PDXDC1: variants seen among roughly 807,000 people sequenced by gnomAD.
PDXDC1 encodes the protein pyridoxal dependent decarboxylase domain containing 1.
PDXDC1 carries 42 observed loss-of-function variants against 100.1 expected under a neutral mutation model. That is an observed-to-expected ratio of 0.42 (90% CI 0.33 to 0.54). The LOEUF is 0.54. PDXDC1 is among the 20% of genes least tolerant of loss of function. The pLI, the probability that PDXDC1 is intolerant of heterozygous loss-of-function variation, is 0.10. For synonymous variants in PDXDC1, 260 were observed against 371.7 expected (o/e 0.70, Z 3.46); for missense variants, 636 against 979.2 (o/e 0.65, Z 4.68).
intron 16 of PDXDC1, among the ~76,000 whole-genome samples, chr16:15,109,750 G>A (rs1156475858): frequency 9.4e-5 from 13 of 138,678 alleles, no homozygotes; most frequent in African/African-American, 3.4e-4. Flanking sequence ...TACTCGGGAA[G>A]CTGAGGCAGA....
intron 16 of PDXDC1, among the ~76,000 whole-genome samples, chr16:15,087,673 G>A (rs1170979407): frequency 2.0e-5 from 3 of 152,184 alleles, no homozygotes; most frequent in South Asian, 4.1e-4. Context: ...CAACTGTTAA[G>A]GATAACATTA....
At chr16:15,130,655 G>A (rs2048003483) in intron 16 of PDXDC1, 2 of 1,420,704 alleles carry the variant, frequency 1.4e-6, no homozygotes, top group Non-Finnish European at 2.0e-6. Context: ...TGAAGAAGGT[G>A]TAGGGCCGGT....
In PDXDC1 at chr16:14,977,269, CTTTTTTTTTTTTTTTT is replaced by C. The variant is rs5816116; in HGVS notation, c.21+2062_21+2077del. ...AAGTTTTTCAGAACTATGGGACTTACTTTTTTTTTTTTTTTTTTTTTTTTTTTTGAGAGGGAGTCTC... is the reference window on the plus strand; with the variant it reads ...AAGTTTTTCAGAACTATGGGACTTACTTTTTTTTTTTTGAGAGGGAGTCTC... On this transcript the variant is annotated intron_variant, in intron 1 of 22. Coordinates refer to ENST00000396410, the MANE Select transcript of PDXDC1 (RefSeq NM_015027.4). 5.3e-5 allele frequency among the ~76,000 whole-genome samples: 5 copies of C among 95,042 alleles called. No homozygotes were observed. In the Admixed American group the frequency reaches 5.6e-4, roughly 11 times the overall value. 62.4% of individuals were successfully genotyped at this position (95,042 alleles called of 152,430 possible). A position where few individuals can be genotyped will look rare whatever the true frequency, so the allele number is the denominator to read the frequency against.
chr16:14,983,044 G>T (rs1228187528), intron 1 of PDXDC1, among the ~76,000 whole-genome samples: 1 of 152,240 alleles, frequency 6.6e-6, no homozygotes, highest in Non-Finnish European at 1.5e-5. Context: ...GTATAAACTA[G>T]CATCTCATAA....
chr16:15,082,533 T>C (rs1216744270), intron 16 of PDXDC1, among the ~76,000 whole-genome samples: 1 of 151,816 alleles, frequency 6.6e-6, no homozygotes, highest in Non-Finnish European at 1.5e-5. Flanking sequence ...ATTAGCGGGG[T>C]GTGGTGCCCC....
At chr16:14,984,768 A>G (rs1968936363) in intron 1 of PDXDC1, among the ~76,000 whole-genome samples, 1 of 151,824 alleles carries the variant, frequency 6.6e-6, no homozygotes, top group African/African-American at 2.4e-5. Context: ...CCAGAATTAC[A>G]GGCATGAGCC....
At chr16:15,073,828 AG>A (rs1448524787) in intron 16 of PDXDC1, among the ~76,000 whole-genome samples, 2 of 152,096 alleles carry the variant, frequency 1.3e-5, no homozygotes, top group Non-Finnish European at 2.9e-5. Context: ...TATGTTGCCC[AG>A]GATAGTTAGT....
chr16:15,130,302 T>G, intron 16 of PDXDC1: 1 of 1,533,868 alleles, frequency 6.5e-7, no homozygotes, highest in Non-Finnish European at 8.8e-7. Flanking sequence ...CGAGGTCTCC[T>G]CCAGGGGCAG....
intron 16 of PDXDC1, chr16:15,131,525 C>G: frequency 2.5e-6 from 4 of 1,607,560 alleles, no homozygotes; most frequent in Non-Finnish European, 2.5e-6. Flanking sequence ...CCCTGGGCCA[C>G]GATCTCCTCG....
chr16:14,975,385 G>T, intron 1 of PDXDC1, 165 bp downstream of exon 1: 1 of 985,514 alleles, frequency 1.0e-6, no homozygotes, highest in South Asian at 4.7e-5. Context: ...TGGGGCCCGG[G>T]CGCGTCACGG....
the PDXDC1 span, among the ~76,000 whole-genome samples, chr16:15,149,956 A>AC: frequency 6.6e-6 from 1 of 152,108 alleles, no homozygotes; most frequent in Non-Finnish European, 1.5e-5. Flanking sequence ...TGGAGGTGGC[A>AC]CCCCCAAGAC....
At chr16:15,075,822 C>T (rs745892466) in intron 16 of PDXDC1, among the ~76,000 whole-genome samples, 8 of 152,078 alleles carry the variant, frequency 5.3e-5, no homozygotes, top group Non-Finnish European at 8.8e-5. Flanking sequence ...TTTTGCAGGT[C>T]GGGATATCCA....
chr16:15,069,189 C>T (rs542599716), intron 16 of PDXDC1, among the ~76,000 whole-genome samples: 9 of 152,274 alleles, frequency 5.9e-5, no homozygotes, highest in Admixed American at 4.6e-4. Flanking sequence ...GGACACCTGG[C>T]AGTATCTGGA....
chr16:15,085,722 G>T (rs532080519), intron 16 of PDXDC1: 2 of 1,612,306 alleles, frequency 1.2e-6, no homozygotes, highest in African/African-American at 2.7e-5. Flanking sequence ...AAGAAAATAT[G>T]TTATTCTGTC....
intron 16 of PDXDC1, among the ~76,000 whole-genome samples, chr16:15,102,049 T>C (rs983015431): frequency 3.8e-4 from 58 of 152,118 alleles, no homozygotes; most frequent in African/African-American, 1.4e-3. Flanking sequence ...GGTTTCGCCA[T>C]GTTGGTCAGG....
At chr16:15,100,664 C>T (rs1363627632) in intron 16 of PDXDC1, among the ~76,000 whole-genome samples, 1 of 152,182 alleles carries the variant, frequency 6.6e-6, no homozygotes, top group African/African-American at 2.4e-5. Flanking sequence ...GTACAAAACT[C>T]TTCCAATTAA....
intron 16 of PDXDC1, chr16:15,084,834 G>C (rs1250385811): frequency 1.5e-6 from 1 of 686,310 alleles, no homozygotes; most frequent in South Asian, 1.6e-5. Context: ...GGGAGGCCGA[G>C]GTGGGTGGAT....
chr16:14,998,077 C>G (rs1972384738), intron 2 of PDXDC1, among the ~76,000 whole-genome samples: 1 of 152,264 alleles, frequency 6.6e-6, no homozygotes, highest in Non-Finnish European at 1.5e-5. Flanking sequence ...TGATTTGACT[C>G]TATAAATACT....
chr16:15,088,510 T>C (rs570990014), intron 16 of PDXDC1, among the ~76,000 whole-genome samples: 42 of 152,084 alleles, frequency 2.8e-4, no homozygotes, highest in African/African-American at 9.2e-4. Context: ...ACACAACTAG[T>C]GCAATTCTTG....
Sources: gnomAD v4.1 joint callset for allele counts (sites outside exome capture counted in the v4.1 genomes callset) on GRCh38, gnomAD v4.1.1 for gene constraint, MANE v1.5 for transcripts, NCBI Gene and HGNC (gene_info 2026-07-23, HGNC 2026-07-21) for gene names.